C12orf42: variants seen among roughly 807,000 people sequenced by gnomAD.
C12orf42 encodes chromosome 12 open reading frame 42.
C12orf42 carries 25 observed loss-of-function variants against 21.6 expected under a neutral mutation model. The observed-to-expected ratio is 1.16, with a 90% CI of 0.84 to 1.62. The LOEUF is 1.62. C12orf42 is among the 40% of genes most tolerant of loss of function. C12orf42 has a pLI of 0.00. For missense variants in C12orf42, 483 were observed against 459.3 expected, an observed-to-expected ratio of 1.05 and a Z score of -0.47; for synonymous variants, 174 against 175.0, an observed-to-expected ratio of 0.99 and a Z score of 0.05.
At chr12:103,185,796 A>T in the C12orf42 span, among the ~76,000 whole-genome samples, 1 of 152,160 alleles carries the variant, frequency 6.6e-6, no homozygotes, top group Admixed American at 6.5e-5. Context: ...CCCATGTAAG[A>T]AGTGCCTTTC....
chr12:103,547,543 C>A, the C12orf42 span, among the ~76,000 whole-genome samples: 36,485 of 152,100 alleles, frequency 0.24, 4,775 homozygotes, highest in East Asian at 0.39. Context: ...TGAACCAACC[C>A]CTGAGGGAAT....
chr12:103,210,417 A>G, the C12orf42 span, among the ~76,000 whole-genome samples: 2 of 152,008 alleles, frequency 1.3e-5, no homozygotes, highest in Non-Finnish European at 2.9e-5. Context: ...ATTCTTTCCC[A>G]CACAGTTAGA....
Position 103,302,538 on chromosome 12 carries a change from G to C in C12orf42, c.653C>G (p.Thr218Ser). The C allele has an allele frequency of 1.9e-6, 3 of 1,609,210 alleles. No homozygotes were observed. Among genetic ancestry groups the C allele is most frequent in the African/African-American group, 1.3e-5 (1 of 74,898 alleles). Residue 218 changes from threonine (T) to serine (S), a missense_variant, in exon 6 of 6, where the codon ACT becomes AGT. Transcript: ENST00000548883. ...KNSGSAARPS[T>S]AIGLCRRSQT... ...GCTCCTCCTGCAGAGGCCGATGGCA[G>C]TGGAAGGTCTGGCGGCAGAACCTGG...
intron 2 of C12orf42, among the ~76,000 whole-genome samples, chr12:103,446,906 C>A (rs1951611885): frequency 6.6e-6 from 1 of 151,782 alleles, no homozygotes; most frequent in Admixed American, 6.6e-5. Context: ...GGCAACACAA[C>A]AATAGTGGGA....
At chr12:103,275,883 C>A (rs545970357) in intron 5 of C12orf42, among the ~76,000 whole-genome samples, 15 of 151,708 alleles carry the variant, frequency 9.9e-5, no homozygotes, top group African/African-American at 3.6e-4. Context: ...CCAGCCTGGG[C>A]AAAATAGGGA....
At chr12:103,381,616 T>C (rs758925923) in intron 3 of C12orf42, among the ~76,000 whole-genome samples, 1 of 152,182 alleles carries the variant, frequency 6.6e-6, no homozygotes, top group Non-Finnish European at 1.5e-5. Flanking sequence ...ATCTGGCACT[T>C]GGGCAAATTG....
chr12:103,396,285 A>T (rs992374950), intron 3 of C12orf42, among the ~76,000 whole-genome samples: 1 of 151,528 alleles, frequency 6.6e-6, no homozygotes, highest in Non-Finnish European at 1.5e-5. Flanking sequence ...TTTCCCTTGC[A>T]CTCTCTCTCC....
intron 5 of C12orf42, among the ~76,000 whole-genome samples, chr12:103,305,726 G>C (rs1475113417): frequency 6.6e-6 from 1 of 152,136 alleles, no homozygotes; most frequent in African/African-American, 2.4e-5. Context: ...GATGATAATA[G>C]CTGTCATTGT....
intron 3 of C12orf42, among the ~76,000 whole-genome samples, chr12:103,384,078 A>T (rs2046402012): frequency 6.6e-6 from 1 of 152,226 alleles, no homozygotes; most frequent in Non-Finnish European, 1.5e-5. Flanking sequence ...AGCACTATTC[A>T]AAGTGTTGTT....
chr12:103,473,263 T>C (rs371637411), intron 2 of C12orf42, among the ~76,000 whole-genome samples: 144 of 152,340 alleles, frequency 9.5e-4, no homozygotes, highest in African/African-American at 3.2e-3. Flanking sequence ...GTTATGAAGA[T>C]GAAATGAGTC....
chr12:103,498,879 G>T, upstream of C12orf42, among the ~76,000 whole-genome samples: 1 of 149,060 alleles, frequency 6.7e-6, no homozygotes, highest in African/African-American at 2.5e-5. Flanking sequence ...TGGGGGGTGG[G>T]GTTGGGGGAG....
intron 3 of C12orf42, among the ~76,000 whole-genome samples, chr12:103,385,858 G>A (rs555851344): frequency 1.3e-5 from 2 of 152,156 alleles, no homozygotes; most frequent in East Asian, 3.9e-4. Flanking sequence ...CTTTGGTGAT[G>A]GATATAAAGA....
At chr12:103,068,898 G>T in the C12orf42 span, among the ~76,000 whole-genome samples, 1 of 109,668 alleles carries the variant, frequency 9.1e-6, no homozygotes, top group South Asian at 2.9e-4. Flanking sequence ...TAGATAGATA[G>T]ATAGATAGAT....
At chr12:103,246,945 C>T (rs1189089018) in intron 10 of C12orf42, among the ~76,000 whole-genome samples, 1 of 151,970 alleles carries the variant, frequency 6.6e-6, no homozygotes, top group Non-Finnish European at 1.5e-5. Flanking sequence ...TTTTAATATG[C>T]ATAGTTAATT....
the C12orf42 span, chr12:103,081,471 A>T: frequency 6.6e-6 from 1 of 152,076 alleles, no homozygotes; most frequent in East Asian, 1.9e-4. Flanking sequence ...TATTTCTAGG[A>T]TCCCATATCT....
In C12orf42 at chr12:103,341,966, A is replaced by G. The variant is rs151111444; in HGVS notation, c.259+26921T>C. 3.0e-4 allele frequency among the ~76,000 whole-genome samples: 45 copies of G among 152,314 alleles called. No individual in the cohort carries two copies. The East Asian group carries it at 8.5e-3, about 29-fold the overall frequency. ...GTTAAATAAATCTTTTCTTTTCTAC[A>G]TCTATGTATAGCTTATGTGTCTGTT... On this transcript the variant is annotated intron_variant, in intron 4 of 5. Transcript: ENST00000548883.
intron 4 of C12orf42, among the ~76,000 whole-genome samples, chr12:103,349,480 G>A (rs1566126716): frequency 6.6e-6 from 1 of 152,064 alleles, no homozygotes; most frequent in African/African-American, 2.4e-5. Flanking sequence ...ATAATGTGGT[G>A]AAAAATCCTG....
the C12orf42 span, among the ~76,000 whole-genome samples, chr12:103,088,922 T>C: frequency 6.6e-6 from 1 of 151,726 alleles, no homozygotes; most frequent in Non-Finnish European, 1.5e-5. Flanking sequence ...GCTAACACAG[T>C]GAAACCCCGT....
chr12:103,182,895 C>T, the C12orf42 span, among the ~76,000 whole-genome samples: 75 of 152,266 alleles, frequency 4.9e-4, 1 homozygote, highest in Admixed American at 4.1e-3. Context: ...TCTACTTATA[C>T]TTATTTCTGT....
Sources: gnomAD v4.1 joint callset for allele counts (sites outside exome capture counted in the v4.1 genomes callset) on GRCh38, gnomAD v4.1.1 for gene constraint, MANE v1.5 for transcripts, NCBI Gene and HGNC (gene_info 2026-07-23, HGNC 2026-07-21) for gene names.